Variants in VSTM5 observed in about 807,000 individuals in gnomAD.
The protein encoded by VSTM5 is V-set and transmembrane domain containing 5.
Under a neutral mutation model 20.3 loss-of-function variants are expected in VSTM5, and 21 were observed. The observed-to-expected ratio is 1.03, with a 90% CI of 0.73 to 1.49. The LOEUF is 1.49. VSTM5 is among the 40% of genes most tolerant of loss of function. VSTM5 has a pLI of 0.00. For synonymous variants in VSTM5, 100 were observed against 102.5 expected (o/e 0.98, Z 0.14); for missense variants, 219 against 250.0 (o/e 0.88, Z 0.84).
At position 93,825,304 on chromosome 11, in the gene VSTM5, G is replaced by A. The variant is rs2135730819; in HGVS notation, c.92-3981C>T. ...CCCACCTCAGCCTCCCAAGTAGCTG[G>A]GACTATAGGTGTGCACCACCACATC... On this transcript the variant is annotated intron_variant, in intron 1 of 3. Transcript: ENST00000409977. 1.3e-5 allele frequency among the ~76,000 whole-genome samples: 2 copies of A among 152,154 alleles called. 1 individual carries two copies. Among genetic ancestry groups the A allele is most frequent in the East Asian group, 3.9e-4 (2 of 5,164 alleles).
chr11:93,820,660 G>A, intron 3 of VSTM5, 48 bp from the exon 4 acceptor site: 1 of 1,551,604 alleles, frequency 6.4e-7, no homozygotes, highest in Non-Finnish European at 8.7e-7. Context: ...GCCACATAGT[G>A]CTTTCTTCGT....
chr11:93,839,233 T>A (rs750147797), intron 1 of VSTM5, among the ~76,000 whole-genome samples: 4 of 152,144 alleles, frequency 2.6e-5, no homozygotes, highest in Admixed American at 6.5e-5. Flanking sequence ...GAGGCCACAG[T>A]AAGTGGAACA....
At chr11:93,833,011 T>C (rs1944294686) in intron 1 of VSTM5, among the ~76,000 whole-genome samples, 1 of 152,198 alleles carries the variant, frequency 6.6e-6, no homozygotes, top group Non-Finnish European at 1.5e-5. Context: ...CTGTTCAATA[T>C]GGTAGCTGCT....
In VSTM5 at chr11:93,821,025, C is replaced by T; in HGVS notation, c.390G>A (p.Gln130=). The T allele has an allele frequency of 1.3e-6, 2 of 1,551,710 alleles. No individual in the cohort carries two copies. Among genetic ancestry groups the T allele is most frequent in the African/African-American group, 1.4e-5 (1 of 73,138 alleles). ...ITVTERLGSS[Q]FGTIVLHVSE... ...AGACGTGCAGCACGATGGTGCCAAA[C>T]TGGCTGCTCCCCAGGCGCTCCGTCA... is the stretch of plus-strand genomic sequence containing the variant. Residue 130 remains glutamine (Q), a synonymous_variant, in exon 2 of 4, where the codon CAG becomes CAA. Coordinates refer to ENST00000409977, the MANE Select transcript of VSTM5 (RefSeq NM_001144871.2).
At chr11:93,847,887 A>T (rs972465014) in intron 1 of VSTM5, among the ~76,000 whole-genome samples, 1 of 152,182 alleles carries the variant, frequency 6.6e-6, no homozygotes, top group Admixed American at 6.5e-5. Context: ...GTTTTTGGTG[A>T]GGGCCTTCTT....
At chr11:93,836,016 G>A (rs1488104976) in intron 1 of VSTM5, among the ~76,000 whole-genome samples, 1 of 152,080 alleles carries the variant, frequency 6.6e-6, no homozygotes, top group Non-Finnish European at 1.5e-5. Context: ...TGGTCGTCTG[G>A]TGTCCCCAAC....
intron 1 of VSTM5, among the ~76,000 whole-genome samples, chr11:93,831,420 A>G (rs980850084): frequency 6.6e-6 from 1 of 152,212 alleles, no homozygotes; most frequent in African/African-American, 2.4e-5. Flanking sequence ...TATGAGGTCA[A>G]TACAGCACCT....
At chr11:93,848,671 C>G (rs1944432890) in intron 1 of VSTM5, among the ~76,000 whole-genome samples, 1 of 152,168 alleles carries the variant, frequency 6.6e-6, no homozygotes, top group Admixed American at 6.5e-5. Flanking sequence ...CAAGGCTGCC[C>G]CTCTTGTTTG....
At chr11:93,825,191 AG>A (rs1944222222) in intron 1 of VSTM5, among the ~76,000 whole-genome samples, 1 of 152,178 alleles carries the variant, frequency 6.6e-6, no homozygotes, top group Non-Finnish European at 1.5e-5. Flanking sequence ...TTCTTGAGAC[AG>A]GGTCTCCCTC....
intron 1 of VSTM5, among the ~76,000 whole-genome samples, chr11:93,825,224 G>A (rs1591397056): frequency 1.3e-5 from 2 of 152,320 alleles, no homozygotes; most frequent in Middle Eastern, 6.8e-3. Flanking sequence ...CTGGAGTGCA[G>A]TGGTGCAATC....
At chr11:93,832,136 C>T (rs1300237669) in intron 1 of VSTM5, among the ~76,000 whole-genome samples, 3 of 152,124 alleles carry the variant, frequency 2.0e-5, no homozygotes, top group South Asian at 2.1e-4. Context: ...ATTGTAGCAG[C>T]AAAAGACTGG....
At chr11:93,850,301 C>T (rs901076135) in intron 1 of VSTM5, 111 bp downstream of exon 1, 2 of 907,566 alleles carry the variant, frequency 2.2e-6, no homozygotes, top group Non-Finnish European at 3.2e-6. Flanking sequence ...CGCCCTCAGC[C>T]GGACAAGGTG....
At position 93,849,067 on chromosome 11, in the gene VSTM5, TGTAA is replaced by T. The variant is rs1479188809; in HGVS notation, c.91+1341_91+1344del. Among the ~76,000 whole-genome samples the T allele has an allele frequency of 1.1e-3, 167 of 152,250 alleles. 1 individual carries two copies. Among genetic ancestry groups the T allele is most frequent in the African/African-American group, 3.8e-3 (158 of 41,560 alleles). ...TGCAGCTGGGTTCTAGCCAGAGAGG[TGTAA>T]AGGTCAAAAATGTTAGATCGTTCAG... is the stretch of plus-strand genomic sequence containing the variant. On this transcript the variant is annotated intron_variant, in intron 1 of 3. Coordinates refer to ENST00000409977, the MANE Select transcript of VSTM5 (RefSeq NM_001144871.2).
rs760410997 is a variant in VSTM5 at position 93,850,551 on chromosome 11, G to A, written c.-49C>T. ...CCGGGGTGTGTGCTGGCCGCACCGC[G>A]CTGCAGCTCCTATGCAGCCTTCTCT... On this transcript the variant is annotated 5_prime_UTR_variant, in exon 1 of 4. Transcript: ENST00000409977. 22 of 1,423,820 alleles carry A rather than the reference G, an allele frequency of 1.5e-5. No homozygotes were observed. In the South Asian group the frequency reaches 2.2e-4, roughly 14 times the overall value. The allele number at this position is 1,423,820 out of a possible 1,614,324, so 88.2% of individuals were successfully genotyped here. A position where few individuals can be genotyped will look rare whatever the true frequency, so the allele number is the denominator to read the frequency against.
chr11:93,824,208 A>G (rs1298531), intron 1 of VSTM5, among the ~76,000 whole-genome samples: 122,614 of 152,136 alleles, frequency 0.81, 50,363 homozygotes, highest in Admixed American at 0.9. Context: ...ATGCCCGGCT[A>G]TTACTTCTAT....
At chr11:93,833,533 T>A (rs1269093848) in intron 1 of VSTM5, among the ~76,000 whole-genome samples, 1 of 152,178 alleles carries the variant, frequency 6.6e-6, no homozygotes, top group Non-Finnish European at 1.5e-5. Context: ...TGAGCTGCAT[T>A]TCAGTCTGGG....
chr11:93,821,702 T>C (rs867009437), intron 1 of VSTM5: 51 of 216,372 alleles, frequency 2.4e-4, no homozygotes, highest in African/African-American at 1.0e-3. Flanking sequence ...AAGCCCTCAG[T>C]GTGTGACATA....
chr11:93,838,087 G>C (rs537429747), intron 1 of VSTM5, among the ~76,000 whole-genome samples: 58 of 152,254 alleles, frequency 3.8e-4, no homozygotes, highest in Admixed American at 2.6e-4. Context: ...AAAGACCCAG[G>C]TTCTATCTGG....
intron 1 of VSTM5, among the ~76,000 whole-genome samples, chr11:93,832,340 A>G (rs916899003): frequency 6.6e-6 from 1 of 152,254 alleles, no homozygotes; most frequent in Non-Finnish European, 1.5e-5. Context: ...TAAAGTAATT[A>G]TATGTGTATA....
Sources: allele counts gnomAD v4.1 joint callset (sites outside exome capture counted in the v4.1 genomes callset), GRCh38; gene constraint gnomAD v4.1.1; transcripts MANE v1.5; gene names NCBI Gene and HGNC (gene_info 2026-07-23, HGNC 2026-07-21).